Variants in LGSN observed in about 807,000 individuals in gnomAD.
LGSN encodes lengsin.
LGSN carries 21 observed loss-of-function variants against 19.5 expected under a neutral mutation model. The ratio of observed to expected loss-of-function variants is 1.07; its 90% CI spans 0.76 to 1.55. The LOEUF (loss-of-function observed/expected upper bound fraction) is 1.55, where lower values mean the gene tolerates loss of function less well. Among genes scored for constraint, LGSN ranks in the 40% most tolerant of loss-of-function variants. The pLI is 0.00. For missense variants in LGSN, 673 were observed against 608.5 expected (o/e 1.11, Z -1.12); for synonymous variants, 257 against 215.6 (o/e 1.19, Z -1.68).
the LGSN span, among the ~76,000 whole-genome samples, chr6:63,539,724 G>A: frequency 0.38 from 56,948 of 151,296 alleles, 10,898 homozygotes; most frequent in African/African-American, 0.45. Flanking sequence ...AGCTGAGATC[G>A]TACCACTGCA....
At chr6:63,354,975 A>T in the LGSN span, among the ~76,000 whole-genome samples, 2 of 152,144 alleles carry the variant, frequency 1.3e-5, no homozygotes, top group Non-Finnish European at 2.9e-5. Context: ...ATTACTAACG[A>T]CTAGGAAGGG....
chr6:63,439,162 C>T, the LGSN span, among the ~76,000 whole-genome samples: 26 of 151,862 alleles, frequency 1.7e-4, no homozygotes, highest in Admixed American at 1.0e-3. Flanking sequence ...AATGAGAACA[C>T]ATGGACACAG....
chr6:63,412,479 AAG>A, the LGSN span, among the ~76,000 whole-genome samples: 2 of 135,744 alleles, frequency 1.5e-5, no homozygotes, highest in Non-Finnish European at 3.0e-5. Context: ...AGAGAGAAGA[AAG>A]AGAAGAAAGA....
At chr6:63,412,494 G>GAAAGAAAGAAAGAAAC in the LGSN span, among the ~76,000 whole-genome samples, 312 of 81,506 alleles carry the variant, frequency 3.8e-3, 8 homozygotes, top group African/African-American at 0.019. Flanking sequence ...AAGAAAGAAA[G>GAAAGAAAGAAAGAAAC]AAAGAAAGAA....
At chr6:63,293,513 A>G (rs1767852624) in intron 2 of LGSN, among the ~76,000 whole-genome samples, 1 of 152,256 alleles carries the variant, frequency 6.6e-6, no homozygotes, top group African/African-American at 2.4e-5. Flanking sequence ...AGTATTTTAT[A>G]AAAGATAGGT....
At chr6:63,357,301 A>G in the LGSN span, among the ~76,000 whole-genome samples, 1 of 152,132 alleles carries the variant, frequency 6.6e-6, no homozygotes, top group Non-Finnish European at 1.5e-5. Flanking sequence ...ATATGTGTGC[A>G]TGTGTCTTTA....
At chr6:63,398,908 G>T in the LGSN span, among the ~76,000 whole-genome samples, 1 of 151,976 alleles carries the variant, frequency 6.6e-6, no homozygotes, top group Non-Finnish European at 1.5e-5. Flanking sequence ...GGGCTCAAGC[G>T]ATCCTCAGAC....
the LGSN span, among the ~76,000 whole-genome samples, chr6:63,477,633 G>C: frequency 2.4e-5 from 3 of 124,800 alleles, no homozygotes; most frequent in East Asian, 7.5e-4. Flanking sequence ...ATCCAGTTTT[G>C]GTTTTCATCC....
At chr6:63,411,348 G>A in the LGSN span, among the ~76,000 whole-genome samples, 8 of 152,142 alleles carry the variant, frequency 5.3e-5, no homozygotes, top group Non-Finnish European at 8.8e-5. Context: ...GTAGGCAAGG[G>A]CATCAGAGAT....
At chr6:63,470,319 C>G in the LGSN span, among the ~76,000 whole-genome samples, 1 of 151,608 alleles carries the variant, frequency 6.6e-6, no homozygotes, top group Non-Finnish European at 1.5e-5. Flanking sequence ...AAAAAATATA[C>G]AAAAATTAGC....
At chr6:63,415,987 A>G in the LGSN span, among the ~76,000 whole-genome samples, 3 of 152,212 alleles carry the variant, frequency 2.0e-5, no homozygotes, top group Admixed American at 2.0e-4. Flanking sequence ...TAAAACATCC[A>G]AAATGAAGCA....
chr6:63,337,579 A>G, the LGSN span, among the ~76,000 whole-genome samples: 1 of 152,018 alleles, frequency 6.6e-6, no homozygotes, highest in African/African-American at 2.4e-5. Context: ...AGGCAGGTAG[A>G]TCACTTGAGC....
Position 63,281,175 on chromosome 6 carries a change from C to T in LGSN, c.376G>A (p.Val126Met), listed in dbSNP as rs1210264683. ...GVCMPRGYLEVIPNPKDNEMN... is the reference protein window; with the variant it reads ...GVCMPRGYLEMIPNPKDNEMN... ...TCATTGTCCTTTGGATTTGGTATCA[C>T]TTCAAGATAACCTCGGGGCATGCAA... The change falls in exon 4 of 4, where the codon GTG (valine) becomes ATG (methionine). Residue 126 changes from valine to methionine, a missense_variant. Transcript: ENST00000370657. 6.2e-7 allele frequency: 1 copy of T among 1,612,548 alleles called. No individual in the cohort carries two copies. The highest frequency in any genetic ancestry group is 1.7e-5 in the Admixed American group (1 of 59,758).
At chr6:63,532,729 T>C in the LGSN span, among the ~76,000 whole-genome samples, 1 of 152,178 alleles carries the variant, frequency 6.6e-6, no homozygotes. Flanking sequence ...TAAAATATTT[T>C]ATTGTTACAA....
the LGSN span, among the ~76,000 whole-genome samples, chr6:63,477,571 G>A: frequency 1.3e-4 from 19 of 149,648 alleles, no homozygotes; most frequent in African/African-American, 3.7e-4. Flanking sequence ...TGGGGGTCTC[G>A]TCCTAGTCTA....
chr6:63,334,520 A>G, the LGSN span, among the ~76,000 whole-genome samples: 2 of 152,236 alleles, frequency 1.3e-5, no homozygotes, highest in Non-Finnish European at 2.9e-5. Flanking sequence ...AACACAGTGA[A>G]AATGACCACA....
chr6:63,312,485 T>G (rs1768670872), intron 1 of LGSN, among the ~76,000 whole-genome samples: 1 of 152,218 alleles, frequency 6.6e-6, no homozygotes, highest in African/African-American at 2.4e-5. Context: ...CCTTTGGAGA[T>G]CTCACCTAAT....
the LGSN span, among the ~76,000 whole-genome samples, chr6:63,503,108 T>C: frequency 1.3e-5 from 2 of 152,220 alleles, no homozygotes; most frequent in Non-Finnish European, 2.9e-5. Flanking sequence ...AAAATTATTG[T>C]ATTCATCATG....
In LGSN at chr6:63,278,960, T is replaced by C. The variant is rs1374550718; in HGVS notation, c.*1061A>G. 6.6e-6 allele frequency: 1 copy of C among 152,222 alleles called. No homozygotes were observed. Among genetic ancestry groups the C allele is most frequent in the Non-Finnish European group, 1.5e-5 (1 of 68,042 alleles). The allele number at this position is 152,222 out of a possible 1,614,324, so 9.4% of individuals were successfully genotyped here. ...TTTGATCCTAAGCAGTAGAATAATG[T>C]TTCATTTGCTAGTAAGTGGATTTTG... On this transcript the variant is annotated 3_prime_UTR_variant, in exon 4 of 4. Coordinates refer to ENST00000370657, the MANE Select transcript of LGSN (RefSeq NM_016571.3).
Sources: allele counts gnomAD v4.1 joint callset (sites outside exome capture counted in the v4.1 genomes callset), GRCh38; gene constraint gnomAD v4.1.1; transcripts MANE v1.5; gene names NCBI Gene and HGNC (gene_info 2026-07-23, HGNC 2026-07-21).